Variants in KSR2 observed in about 807,000 individuals in gnomAD.
The protein encoded by KSR2 is kinase suppressor of ras 2.
In KSR2, 25 loss-of-function variants were observed where a neutral mutation model predicts 107.8. The observed-to-expected ratio is 0.23, with a 90% CI of 0.17 to 0.32. The LOEUF is 0.32. KSR2 is among the 10% of genes least tolerant of loss of function. The probability of loss-of-function intolerance (pLI) is 1.00; values close to 1 mark genes in which losing one functional copy is unlikely to be tolerated. For synonymous variants in KSR2, 480 were observed against 507.0 expected, an observed-to-expected ratio of 0.95 and a Z score of 0.71; for missense variants, 887 against 1,268.9, an observed-to-expected ratio of 0.70 and a Z score of 4.57.
intron 3 of KSR2, among the ~76,000 whole-genome samples, chr12:117,796,272 C>T (rs1008214316): frequency 1.3e-5 from 2 of 152,094 alleles, no homozygotes; most frequent in African/African-American, 4.8e-5. Flanking sequence ...ACTAGTTAGG[C>T]CTCTGTGAGC....
chr12:117,562,886 C>T (rs1686213729), intron 7 of KSR2, among the ~76,000 whole-genome samples: 1 of 152,136 alleles, frequency 6.6e-6, no homozygotes. Flanking sequence ...TCTCCAATGC[C>T]CAGGCACTTA....
chr12:117,933,238 A>T (rs1895743178), intron 1 of KSR2, among the ~76,000 whole-genome samples: 3 of 152,198 alleles, frequency 2.0e-5, no homozygotes, highest in Admixed American at 1.3e-4. Context: ...GATAAACAAC[A>T]AATAATTTTT....
intron 5 of KSR2, among the ~76,000 whole-genome samples, chr12:117,636,132 T>TAAA (rs1179943256): frequency 7.2e-5 from 11 of 152,214 alleles, no homozygotes; most frequent in African/African-American, 2.6e-4. Flanking sequence ...TATTTGGATT[T>TAAA]TACTCATCTT....
At chr12:117,557,678 A>G (rs763202464) in intron 8 of KSR2, among the ~76,000 whole-genome samples, 3 of 152,180 alleles carry the variant, frequency 2.0e-5, no homozygotes, top group Non-Finnish European at 4.4e-5. Context: ...GAGTAATTAA[A>G]TTTGTGTTTT....
chr12:117,555,331 T>C, intron 8 of KSR2, 38 bp from the exon 9 acceptor site: 1 of 1,611,202 alleles, frequency 6.2e-7, no homozygotes, highest in Non-Finnish European at 8.5e-7. Context: ...AGTTTAAGTA[T>C]CACTTTGTCT....
At chr12:117,706,043 T>C (rs968180167) in intron 4 of KSR2, among the ~76,000 whole-genome samples, 5 of 146,940 alleles carry the variant, frequency 3.4e-5, no homozygotes, top group Admixed American at 6.7e-5. Context: ...TTGGGTCTTT[T>C]TTTTTTTTTT....
intron 4 of KSR2, among the ~76,000 whole-genome samples, chr12:117,722,044 A>AT (rs142350090): frequency 3.4e-4 from 52 of 151,582 alleles, no homozygotes; most frequent in Admixed American, 1.5e-3. Context: ...ATTTAATTTT[A>AT]TTTTTTTTTA....
chr12:117,633,682 A>G (rs1415963888), intron 5 of KSR2, among the ~76,000 whole-genome samples: 1 of 152,130 alleles, frequency 6.6e-6, no homozygotes, highest in Non-Finnish European at 1.5e-5. Context: ...TCTTTTTGCA[A>G]GGACATCAGT....
chr12:117,459,031 T>G lies in KSR2; in HGVS notation c.*8168A>C, dbSNP rs1048673473. ...TATGCCGTGACTTCCAGCCCAGCTGTTACTAGACTGGGCATAGCATTCAGG... is the reference window on the plus strand; with the variant it reads ...TATGCCGTGACTTCCAGCCCAGCTGGTACTAGACTGGGCATAGCATTCAGG... On this transcript the variant is annotated 3_prime_UTR_variant, in exon 20 of 20. Coordinates refer to ENST00000339824, the MANE Select transcript of KSR2 (RefSeq NM_173598.6). 2 of 152,240 alleles carry G rather than the reference T, an allele frequency of 1.3e-5. No homozygotes were observed. Among genetic ancestry groups the G allele is most frequent in the African/African-American group, 2.4e-5 (1 of 41,448 alleles). 9.4% of individuals were successfully genotyped at this position (152,240 alleles called of 1,614,324 possible).
rs116961148 is a variant in KSR2 at position 117,596,316 on chromosome 12, G to C, written c.1172-13957C>G. On this transcript the variant is annotated intron_variant, in intron 5 of 19. Coordinates refer to ENST00000339824, the MANE Select transcript of KSR2 (RefSeq NM_173598.6). The stretch of plus-strand genomic sequence containing the variant: ...TAAGAGAACAGCAAGGGAATGATCT[G>C]CCCCCATGATTCAATCACCTCTCCC... Among the ~76,000 whole-genome samples the C allele has an allele frequency of 8.3e-4, 126 of 152,166 alleles. No homozygotes were observed. In the East Asian group the frequency reaches 0.021, roughly 26 times the overall value.
chr12:117,504,283 T>G (rs190147362), intron 14 of KSR2, among the ~76,000 whole-genome samples: 51 of 152,316 alleles, frequency 3.3e-4, no homozygotes, highest in African/African-American at 1.2e-3. Flanking sequence ...AATATTTCCA[T>G]TAGCCACCAA....
chr12:117,644,890 G>A (rs1163310976), intron 5 of KSR2, among the ~76,000 whole-genome samples: 1 of 152,136 alleles, frequency 6.6e-6, no homozygotes, highest in Non-Finnish European at 1.5e-5. Context: ...AGTTGCTCTC[G>A]CGTGCTCAGC....
At chr12:117,481,064 GA>G (rs944135574) in intron 16 of KSR2, among the ~76,000 whole-genome samples, 1 of 150,878 alleles carries the variant, frequency 6.6e-6, no homozygotes, top group African/African-American at 2.4e-5. Context: ...ATCCTGTCTC[GA>G]AAAAAAGAAA....
chr12:117,966,297 T>C (rs925373783), intron 1 of KSR2, among the ~76,000 whole-genome samples: 1 of 152,124 alleles, frequency 6.6e-6, no homozygotes, highest in African/African-American at 2.4e-5. Context: ...AGAAGAGAGC[T>C]CAGGTGGCTT....
At chr12:117,948,888 G>A (rs887907293) in intron 1 of KSR2, among the ~76,000 whole-genome samples, 3 of 151,884 alleles carry the variant, frequency 2.0e-5, no homozygotes, top group African/African-American at 7.3e-5. Context: ...GAGGTCAGGA[G>A]TTAAAGACCA....
chr12:117,514,944 C>G (rs368203376), intron 14 of KSR2, among the ~76,000 whole-genome samples: 2 of 152,148 alleles, frequency 1.3e-5, no homozygotes, highest in African/African-American at 4.8e-5. Context: ...TACCTCTAAG[C>G]CTTTGCATAT....
chr12:117,806,710 C>A (rs1891020287), intron 3 of KSR2, among the ~76,000 whole-genome samples: 1 of 152,198 alleles, frequency 6.6e-6, no homozygotes, highest in Admixed American at 6.5e-5. Context: ...TCTGCTCTGG[C>A]TCTATGGGTT....
intron 7 of KSR2, among the ~76,000 whole-genome samples, chr12:117,568,977 CT>C (rs1878709262): frequency 6.6e-6 from 1 of 152,176 alleles, no homozygotes; most frequent in Non-Finnish European, 1.5e-5. Context: ...AATATCCTGC[CT>C]GTTGTACAAA....
chr12:117,586,893 CTCAA>C (rs1880033898), intron 5 of KSR2, among the ~76,000 whole-genome samples: 1 of 152,154 alleles, frequency 6.6e-6, no homozygotes, highest in African/African-American at 2.4e-5. Flanking sequence ...TGAGCTGTGG[CTCAA>C]TTAATGGAAG....
Sources: gnomAD v4.1 joint callset for allele counts (sites outside exome capture counted in the v4.1 genomes callset) on GRCh38, gnomAD v4.1.1 for gene constraint, MANE v1.5 for transcripts, NCBI Gene and HGNC (gene_info 2026-07-23, HGNC 2026-07-21) for gene names.